FRMD5: variants seen among roughly 807,000 people sequenced by gnomAD.
FRMD5 encodes the protein FERM domain containing 5.
FRMD5 carries 20 observed loss-of-function variants against 69.0 expected under a neutral mutation model. That is an observed-to-expected ratio of 0.29 (90% CI 0.20 to 0.42). FRMD5 has a LOEUF of 0.42. FRMD5 is among the 10% of genes least tolerant of loss of function. FRMD5 has a pLI of 1.00. For synonymous variants in FRMD5, 271 were observed against 260.1 expected, an observed-to-expected ratio of 1.04 and a Z score of -0.40; for missense variants, 595 against 708.6, an observed-to-expected ratio of 0.84 and a Z score of 1.82.
chr15:44,151,552 C>T (rs2077447760), intron 1 of FRMD5, among the ~76,000 whole-genome samples: 1 of 151,456 alleles, frequency 6.6e-6, no homozygotes, highest in Non-Finnish European at 1.5e-5. Context: ...AGGAATTAAC[C>T]AAGGAGGTAA....
chr15:44,194,582 G>A (rs1463691122), intron 1 of FRMD5: 3 of 330,910 alleles, frequency 9.1e-6, no homozygotes, highest in Non-Finnish European at 1.7e-5. Flanking sequence ...CTGCGCCCCC[G>A]ACGGGGCGGC....
In FRMD5 at chr15:44,071,425, TAAACA is replaced by T. The variant is rs140305798; in HGVS notation, c.102+123523_102+123527del. On this transcript the variant is annotated intron_variant, in intron 1 of 13. Transcript: ENST00000417257. ...CTGGGTGACAAAGCAAGACCCTGTC[TAAACA>T]AAACAAAACAAAACAAAACAAAACA... 5.7e-3 allele frequency among the ~76,000 whole-genome samples: 864 copies of T among 151,192 alleles called. 2 individuals are homozygous for T. The highest frequency in any genetic ancestry group is 0.01 in the Middle Eastern group (3 of 292).
chr15:43,900,164 T>G (rs2089010183), intron 7 of FRMD5, among the ~76,000 whole-genome samples: 2 of 152,144 alleles, frequency 1.3e-5, no homozygotes, highest in African/African-American at 4.8e-5. Flanking sequence ...GACTGTGTAC[T>G]TTCAAGTGAG....
chr15:43,989,258 C>T (rs149641649), intron 1 of FRMD5: 176 of 791,064 alleles, frequency 2.2e-4, no homozygotes, highest in African/African-American at 2.1e-3. Context: ...ATCCTATCGG[C>T]GATGCCAGGG....
chr15:44,005,980 G>C (rs1180725995), intron 1 of FRMD5, among the ~76,000 whole-genome samples: 1 of 152,202 alleles, frequency 6.6e-6, no homozygotes, highest in African/African-American at 2.4e-5. Flanking sequence ...CACTTATGAA[G>C]GTGGCTACAA....
intron 1 of FRMD5, among the ~76,000 whole-genome samples, chr15:44,125,523 C>T (rs1334256433): frequency 6.6e-6 from 1 of 152,038 alleles, no homozygotes; most frequent in Admixed American, 6.6e-5. Flanking sequence ...TTTTAAAATT[C>T]CTTTGCTTTA....
intron 10 of FRMD5, among the ~76,000 whole-genome samples, chr15:43,887,802 C>G (rs2088698760): frequency 6.6e-6 from 1 of 152,232 alleles, no homozygotes; most frequent in Non-Finnish European, 1.5e-5. Context: ...TCTGTCTTGC[C>G]TTGACCTCAT....
chr15:44,179,853 T>G (rs578242203), intron 1 of FRMD5, among the ~76,000 whole-genome samples: 3 of 152,206 alleles, frequency 2.0e-5, no homozygotes, highest in African/African-American at 7.2e-5. Flanking sequence ...TTCTCTCAAT[T>G]CACTCCAAGT....
chr15:44,054,735 C>A (rs993068998), intron 1 of FRMD5, among the ~76,000 whole-genome samples: 1 of 151,890 alleles, frequency 6.6e-6, no homozygotes, highest in African/African-American at 2.4e-5. Context: ...AAAGGTAATA[C>A]CAGAATCACA....
At chr15:44,197,678 C>CA (rs5812271), upstream of FRMD5, among the ~76,000 whole-genome samples, 8,370 of 84,276 alleles carry the variant, frequency 0.099, 571 homozygotes, top group African/African-American at 0.21. Flanking sequence ...GACTCCATCT[C>CA]AAAAAAAAAA....
intron 1 of FRMD5, among the ~76,000 whole-genome samples, chr15:43,980,244 A>G: frequency 6.6e-6 from 1 of 152,236 alleles, no homozygotes; most frequent in Non-Finnish European, 1.5e-5. Flanking sequence ...CTGCTTAAAT[A>G]TAGGTAGAAC....
chr15:43,999,903 T>G (rs1234321814), intron 1 of FRMD5, among the ~76,000 whole-genome samples: 2 of 81,634 alleles, frequency 2.4e-5, no homozygotes, highest in East Asian at 5.3e-4. Context: ...ATATACCATT[T>G]TATATTTGTG....
Position 44,111,453 on chromosome 15 carries a change from C to A in FRMD5, c.102+83500G>T, listed in dbSNP as rs541565316. On this transcript the variant is annotated intron_variant, in intron 1 of 13. Coordinates refer to ENST00000417257, the MANE Select transcript of FRMD5 (RefSeq NM_032892.5). ...GCCCGATCAATTTATTTCTCTTGAT[C>A]ATCAGGTTCAAGGGACTTGTCTATA... 3.9e-5 allele frequency among the ~76,000 whole-genome samples: 6 copies of A among 152,300 alleles called. No homozygotes were observed. The South Asian group carries it at 1.2e-3, about 32-fold the overall frequency.
intron 1 of FRMD5, among the ~76,000 whole-genome samples, chr15:44,105,224 G>A (rs978931435): frequency 2.6e-5 from 4 of 151,768 alleles, no homozygotes; most frequent in African/African-American, 7.3e-5. Context: ...CCACAAGCGC[G>A]CAACACCTCG....
In FRMD5 at chr15:43,873,753, G is replaced by T; in HGVS notation, c.*132C>A. The T allele has an allele frequency of 6.5e-7, 1 of 1,529,174 alleles. No individual in the cohort carries two copies. The highest frequency in any genetic ancestry group is 8.7e-7 in the Non-Finnish European group (1 of 1,143,762). The allele number at this position is 1,529,174 out of a possible 1,614,324, so 94.7% of individuals were successfully genotyped here. On this transcript the variant is annotated 3_prime_UTR_variant, in exon 14 of 14. Coordinates refer to ENST00000417257, the MANE Select transcript of FRMD5 (RefSeq NM_032892.5). The stretch of plus-strand genomic sequence containing the variant: ...CTTCTGGGAAACACCCTCCTAGGCT[G>T]CAGTGGACTTTGAGTCATGAGAGGA...
chr15:44,028,140 T>G (rs1404552492), intron 1 of FRMD5, among the ~76,000 whole-genome samples: 1 of 152,138 alleles, frequency 6.6e-6, no homozygotes, highest in Non-Finnish European at 1.5e-5. Flanking sequence ...ATCTATGACA[T>G]GCAGGAAAAC....
chr15:43,940,463 T>C (rs2089842433), intron 1 of FRMD5, among the ~76,000 whole-genome samples: 1 of 152,212 alleles, frequency 6.6e-6, no homozygotes, highest in Non-Finnish European at 1.5e-5. Flanking sequence ...AATGGGATGA[T>C]AGCTGTTATA....
chr15:43,880,360 G>A (rs953286952), intron 13 of FRMD5, among the ~76,000 whole-genome samples: 1 of 152,016 alleles, frequency 6.6e-6, no homozygotes, highest in Non-Finnish European at 1.5e-5. Flanking sequence ...CGCATCCCTC[G>A]CAGCCCCTCC....
chr15:43,905,321 G>C (rs2089144905), intron 6 of FRMD5, among the ~76,000 whole-genome samples: 2 of 151,930 alleles, frequency 1.3e-5, no homozygotes, highest in Admixed American at 6.6e-5. Flanking sequence ...ATTTTTAGTA[G>C]AGATGGGTTT....
Sources: gnomAD v4.1 joint callset for allele counts (sites outside exome capture counted in the v4.1 genomes callset) on GRCh38, gnomAD v4.1.1 for gene constraint, MANE v1.5 for transcripts, NCBI Gene and HGNC (gene_info 2026-07-23, HGNC 2026-07-21) for gene names.